The following SIPA1L1 variants were observed in gnomAD, a reference collection of about 807,000 sequenced individuals.
SIPA1L1 encodes the protein signal induced proliferation associated 1 like 1, also known as signal-induced proliferation-associated 1-like protein 1.
A neutral mutation model predicts 162.7 loss-of-function variants in SIPA1L1; 26 were observed. The observed-to-expected ratio is 0.16, with a 90% CI of 0.12 to 0.22. The LOEUF (loss-of-function observed/expected upper bound fraction) is 0.22. SIPA1L1 is among the 10% of genes least tolerant of loss of function. SIPA1L1 has a pLI of 1.00. For synonymous variants in SIPA1L1, 829 were observed against 837.4 expected, an observed-to-expected ratio of 0.99 and a Z score of 0.17; for missense variants, 1,874 against 2,241.0, an observed-to-expected ratio of 0.84 and a Z score of 3.31.
intron 4 of SIPA1L1, among the ~76,000 whole-genome samples, chr14:71,576,356 C>A (rs917000352): frequency 2.0e-5 from 3 of 152,074 alleles, no homozygotes; most frequent in African/African-American, 7.2e-5. Context: ...ATTGCTTTAG[C>A]GAGTTAGTGA....
intron 3 of SIPA1L1, among the ~76,000 whole-genome samples, chr14:71,526,174 A>T (rs2145124219): frequency 6.6e-6 from 1 of 152,334 alleles, no homozygotes; most frequent in East Asian, 1.9e-4. Context: ...TTGTTTATTT[A>T]TAATAATTAC....
rs1486054026 is a variant in SIPA1L1, at chr14:71,740,702, C to T, written c.*1541C>T. ...GTTTCATTCTTGATTGTGATTTCTC[C>T]ATGGAATTTTTTTTTTCTGGTGACA... On this transcript the variant is annotated 3_prime_UTR_variant, in exon 24 of 24. Transcript: ENST00000381232. 6.6e-6 allele frequency: 1 copy of T among 152,136 alleles called. No individual in the cohort carries two copies. Among genetic ancestry groups the T allele is most frequent in the Admixed American group, 6.5e-5 (1 of 15,272 alleles). 9.4% of individuals were successfully genotyped at this position (152,136 alleles called of 1,614,324 possible).
In SIPA1L1 at chr14:71,354,300, G is replaced by A. The variant is rs138769747; in HGVS notation, c.-465+33119G>A. Among the ~76,000 whole-genome samples, 937 of 144,734 alleles carry A rather than the reference G, an allele frequency of 6.5e-3. 4 individuals are homozygous for A. The highest frequency in any genetic ancestry group is 0.011 in the Non-Finnish European group (706 of 66,512). 95.0% of individuals were successfully genotyped at this position (144,734 alleles called of 152,430 possible). ...TTGTTTCTTTTTTTTTTTTTTTTGA[G>A]ATGGAGTCACGCTCTGTTGCCCACG... On this transcript the variant is annotated intron_variant, in intron 2 of 23. Transcript: ENST00000381232.
intron 4 of SIPA1L1, chr14:71,574,846 A>G (rs903415601): frequency 6.6e-6 from 1 of 152,210 alleles, no homozygotes; most frequent in Admixed American, 6.5e-5. Flanking sequence ...TCACTTAGAA[A>G]TCAGAGATTT....
At chr14:71,645,085 C>A (rs1222785620) in intron 7 of SIPA1L1, among the ~76,000 whole-genome samples, 1 of 152,250 alleles carries the variant, frequency 6.6e-6, no homozygotes, top group African/African-American at 2.4e-5. Flanking sequence ...TTTTCAACTT[C>A]TGGTGGCTGC....
intron 2 of SIPA1L1, among the ~76,000 whole-genome samples, chr14:71,380,282 T>C (rs113268116): frequency 6.6e-6 from 1 of 152,248 alleles, no homozygotes; most frequent in South Asian, 2.1e-4. Context: ...TAGATAACTT[T>C]TAGTTGAATA....
intron 2 of SIPA1L1, among the ~76,000 whole-genome samples, chr14:71,360,590 C>T (rs995277795): frequency 6.6e-6 from 1 of 152,186 alleles, no homozygotes; most frequent in Non-Finnish European, 1.5e-5. Flanking sequence ...TCAAAAGTCA[C>T]GCAGTTATTT....
chr14:71,673,008 G>A (rs1198249629), intron 12 of SIPA1L1, among the ~76,000 whole-genome samples: 4 of 152,172 alleles, frequency 2.6e-5, no homozygotes, highest in African/African-American at 9.7e-5. Flanking sequence ...GTTCCATGAT[G>A]CTCTTATTCT....
chr14:71,480,882 A>G (rs1032550696), intron 2 of SIPA1L1, among the ~76,000 whole-genome samples: 2 of 152,226 alleles, frequency 1.3e-5, no homozygotes, highest in Admixed American at 6.5e-5. Context: ...ATTCTGTGCT[A>G]GGATCACAGT....
At chr14:71,564,986 A>G (rs2030087789) in intron 4 of SIPA1L1, among the ~76,000 whole-genome samples, 1 of 152,154 alleles carries the variant, frequency 6.6e-6, no homozygotes, top group African/African-American at 2.4e-5. Flanking sequence ...TGTCCCTATA[A>G]AGAGTACTTG....
intron 4 of SIPA1L1, among the ~76,000 whole-genome samples, chr14:71,569,281 C>T (rs2031452890): frequency 6.6e-6 from 1 of 152,076 alleles, no homozygotes; most frequent in South Asian, 2.1e-4. Flanking sequence ...TCTTGAATGG[C>T]TTTACTGAGG....
At chr14:71,564,869 A>G (rs1252565304) in intron 4 of SIPA1L1, among the ~76,000 whole-genome samples, 1 of 152,166 alleles carries the variant, frequency 6.6e-6, no homozygotes, top group Non-Finnish European at 1.5e-5. Flanking sequence ...AATAAGTACT[A>G]GTTACTTTCA....
At chr14:71,522,132 T>C (rs2052418729) in intron 3 of SIPA1L1, among the ~76,000 whole-genome samples, 1 of 152,238 alleles carries the variant, frequency 6.6e-6, no homozygotes, top group Admixed American at 6.5e-5. Flanking sequence ...TTCTCTCTCT[T>C]AGTTTATTGA....
chr14:71,637,501 G>A (rs1229472077), intron 7 of SIPA1L1, among the ~76,000 whole-genome samples: 4 of 152,110 alleles, frequency 2.6e-5, no homozygotes, highest in Non-Finnish European at 5.9e-5. Context: ...AGGCTGAGGT[G>A]GGAGGATCAT....
chr14:71,489,485 C>G (rs2049055641), intron 2 of SIPA1L1, among the ~76,000 whole-genome samples: 1 of 152,030 alleles, frequency 6.6e-6, no homozygotes, highest in African/African-American at 2.4e-5. Flanking sequence ...GGTTAGAGAA[C>G]ATGGAAAGAA....
chr14:71,628,796 GC>G (rs1212509822), intron 7 of SIPA1L1, among the ~76,000 whole-genome samples: 2 of 152,168 alleles, frequency 1.3e-5, no homozygotes, highest in Non-Finnish European at 2.9e-5. Context: ...ATTTCATCAG[GC>G]CAGGGAATAA....
At chr14:71,479,995 T>A (rs2048214531) in intron 2 of SIPA1L1, among the ~76,000 whole-genome samples, 1 of 152,162 alleles carries the variant, frequency 6.6e-6, no homozygotes, top group Non-Finnish European at 1.5e-5. Context: ...AGCCTCAGCC[T>A]CCAAAAATGC....
intron 4 of SIPA1L1, among the ~76,000 whole-genome samples, chr14:71,536,651 T>A (rs759438340): frequency 6.6e-6 from 1 of 152,252 alleles, no homozygotes; most frequent in Non-Finnish European, 1.5e-5. Flanking sequence ...AGCAAGAACA[T>A]AGCACTGTCT....
intron 13 of SIPA1L1, among the ~76,000 whole-genome samples, chr14:71,688,683 C>T (rs932724144): frequency 2.6e-5 from 4 of 152,162 alleles, no homozygotes; most frequent in African/African-American, 7.2e-5. Context: ...ATACCAGCGC[C>T]GTCCTGAGTG....
Sources: allele counts gnomAD v4.1 joint callset (sites outside exome capture counted in the v4.1 genomes callset), GRCh38; gene constraint gnomAD v4.1.1; transcripts MANE v1.5; gene names NCBI Gene and HGNC (gene_info 2026-07-23, HGNC 2026-07-21).